Variants in ADCY5 observed in about 807,000 individuals in gnomAD.
The protein encoded by ADCY5 is adenylate cyclase 5, also known as adenylate cyclase type 5.
In ADCY5, 30 loss-of-function variants were observed where a neutral mutation model predicts 119.7. That is an observed-to-expected ratio of 0.25 (90% CI 0.19 to 0.34). The LOEUF (loss-of-function observed/expected upper bound fraction) is 0.34. ADCY5 is among the 10% of genes least tolerant of loss of function. The pLI is 1.00. For synonymous variants in ADCY5, 753 were observed against 762.2 expected (o/e 0.99, Z 0.20); for missense variants, 1,324 against 1,775.2 (o/e 0.75, Z 4.57).
At chr3:123,396,886 T>C (rs1416129968) in intron 1 of ADCY5, among the ~76,000 whole-genome samples, 1 of 150,658 alleles carries the variant, frequency 6.6e-6, no homozygotes, top group Non-Finnish European at 1.5e-5. Context: ...CGGGCCCTGC[T>C]TTCTGTAGCA....
rs1289061993 is a variant in ADCY5, at chr3:123,447,754, G to A, written c.792C>T (p.Pro264=). 1 of 1,605,532 alleles carries A rather than the reference G, an allele frequency of 6.2e-7. No homozygotes were observed. The highest frequency in any genetic ancestry group is 1.1e-5 in the South Asian group (1 of 90,538). ...LVMLAFHAAR[P]PLQLPYLAVL... ...CGGCCAGGTAGGGCAGCTGGAGCGG[G>A]GGCCGCGCCGCGTGGAAGGCCAACA... The change falls in exon 1 of 21, where the codon CCC becomes CCT. Residue 264 remains proline (P), a synonymous_variant. Coordinates refer to ENST00000462833, the MANE Select transcript of ADCY5 (RefSeq NM_183357.3).
At chr3:123,301,132 T>C (rs1234477536) in intron 14 of ADCY5, among the ~76,000 whole-genome samples, 1 of 151,204 alleles carries the variant, frequency 6.6e-6, no homozygotes, top group East Asian at 1.9e-4. Context: ...CTGCTGTCCC[T>C]TGATGCAGAT....
Position 123,304,072 on chromosome 3 carries a change from T to G in ADCY5, c.2554A>C (p.Asn852His), listed in dbSNP as rs1451381796. ...GAGGTCGTGCAGCCACCCACCATGTTGACAAAAGCCGCCAGGAACACCAGG... is the reference window on the plus strand; with the variant it reads ...GAGGTCGTGCAGCCACCCACCATGTGGACAAAAGCCGCCAGGAACACCAGG... ...ITLVFLAAFV[N>H]MFTCNSRDLL... is the part of the protein sequence containing the mutation. The change falls in exon 13 of 21, where the codon AAC becomes CAC. Residue 852 changes from asparagine (N) to histidine (H), a missense_variant. Transcript: ENST00000462833. The G allele has an allele frequency of 7.4e-6, 12 of 1,610,958 alleles. No individual in the cohort carries two copies. Among genetic ancestry groups the G allele is most frequent in the Non-Finnish European group, 9.3e-6 (11 of 1,177,604 alleles).
At chr3:123,292,952 A>C (rs1251354572) in intron 17 of ADCY5, among the ~76,000 whole-genome samples, 1 of 152,188 alleles carries the variant, frequency 6.6e-6, no homozygotes, top group Non-Finnish European at 1.5e-5. Context: ...GGTGGAAGCT[A>C]GGGGCAGGGC....
chr3:123,416,988 G>A (rs750962606), intron 1 of ADCY5, among the ~76,000 whole-genome samples: 13 of 152,074 alleles, frequency 8.5e-5, no homozygotes, highest in Admixed American at 2.6e-4. Flanking sequence ...ATCCTCATCC[G>A]ACCCCAATCC....
At chr3:123,338,932 G>C (rs916328071) in intron 3 of ADCY5, among the ~76,000 whole-genome samples, 3 of 152,208 alleles carry the variant, frequency 2.0e-5, no homozygotes, top group African/African-American at 7.2e-5. Flanking sequence ...TGGACACCCA[G>C]GTGCTGAGTT....
intron 1 of ADCY5, among the ~76,000 whole-genome samples, chr3:123,431,577 A>G (rs533139488): frequency 6.6e-6 from 1 of 152,266 alleles, no homozygotes; most frequent in East Asian, 1.9e-4. Context: ...TAAGATGGTC[A>G]GTCTATCAGC....
chr3:123,337,655 T>C (rs935172533), intron 3 of ADCY5, among the ~76,000 whole-genome samples: 2 of 152,228 alleles, frequency 1.3e-5, no homozygotes, highest in Non-Finnish European at 2.9e-5. Context: ...GGCAGTCTCT[T>C]CTCACAAGTT....
intron 1 of ADCY5, among the ~76,000 whole-genome samples, chr3:123,359,333 T>TAC (rs1943157549): frequency 2.2e-4 from 3 of 13,940 alleles, no homozygotes; most frequent in African/African-American, 6.2e-4. Context: ...TATACTAAAA[T>TAC]ATATATATAT....
chr3:123,441,774 G>A (rs924987290), intron 1 of ADCY5, among the ~76,000 whole-genome samples: 1 of 152,120 alleles, frequency 6.6e-6, no homozygotes, highest in African/African-American at 2.4e-5. Flanking sequence ...AGAGGCCGTT[G>A]TATTTCAGAC....
intron 1 of ADCY5, among the ~76,000 whole-genome samples, chr3:123,400,282 G>A (rs376900280): frequency 1.1e-4 from 16 of 152,106 alleles, no homozygotes; most frequent in East Asian, 1.9e-4. Context: ...ACAAGCAGCC[G>A]GATGCTTCAA....
chr3:123,377,696 A>G (rs1256138192), intron 1 of ADCY5, among the ~76,000 whole-genome samples: 1 of 152,208 alleles, frequency 6.6e-6, no homozygotes, highest in Non-Finnish European at 1.5e-5. Flanking sequence ...GAGGCAAACA[A>G]GGAGACATAA....
At chr3:123,416,447 G>A in intron 1 of ADCY5, 1 of 1,032,816 alleles carries the variant, frequency 9.7e-7, no homozygotes, top group Non-Finnish European at 1.4e-6. Flanking sequence ...GATTTGACTA[G>A]AAAGGAGGGA....
intron 20 of ADCY5, 47 bp from the exon 21 acceptor site, chr3:123,284,783 C>G (rs1938620788): frequency 6.2e-7 from 1 of 1,612,330 alleles, no homozygotes; most frequent in Non-Finnish European, 8.5e-7. Flanking sequence ...ATGGCCTTGG[C>G]CATGAACTGC....
chr3:123,358,184 G>A (rs866700327), intron 1 of ADCY5, among the ~76,000 whole-genome samples: 2 of 144,548 alleles, frequency 1.4e-5, no homozygotes, highest in African/African-American at 2.8e-5. Context: ...GTGTGTGTGT[G>A]TGTGTGTGTG....
intron 6 of ADCY5, among the ~76,000 whole-genome samples, 192 bp downstream of exon 6, chr3:123,328,452 G>A (rs1196460161): frequency 1.3e-5 from 2 of 152,156 alleles, no homozygotes; most frequent in Non-Finnish European, 2.9e-5. Flanking sequence ...ACTGGCCAAC[G>A]GTGGCACAGG....
intron 1 of ADCY5, among the ~76,000 whole-genome samples, chr3:123,414,792 A>G (rs1339321294): frequency 1.3e-5 from 2 of 152,146 alleles, no homozygotes; most frequent in African/African-American, 4.8e-5. Context: ...CTTGACCTCA[A>G]GTGATCTGCC....
chr3:123,369,652 A>C (rs1034986480), intron 1 of ADCY5, among the ~76,000 whole-genome samples: 1 of 152,196 alleles, frequency 6.6e-6, no homozygotes, highest in Non-Finnish European at 1.5e-5. Flanking sequence ...CTAATGTGCA[A>C]ACGAGTCTCT....
At chr3:123,417,246 C>G (rs2107632715) in intron 1 of ADCY5, among the ~76,000 whole-genome samples, 1 of 152,308 alleles carries the variant, frequency 6.6e-6, no homozygotes. Context: ...CCACCACCAC[C>G]ATGTGATCCA....
Sources: gnomAD v4.1 joint callset for allele counts (sites outside exome capture counted in the v4.1 genomes callset) on GRCh38, gnomAD v4.1.1 for gene constraint, MANE v1.5 for transcripts, NCBI Gene and HGNC (gene_info 2026-07-23, HGNC 2026-07-21) for gene names.